Variants in ARK2C observed in about 807,000 individuals in gnomAD.
ARK2C encodes E3 ubiquitin-protein ligase ARK2C.
chr18:46,455,697 A>G, the ARK2C span, among the ~76,000 whole-genome samples: 3 of 152,118 alleles, frequency 2.0e-5, no homozygotes, highest in Non-Finnish European at 4.4e-5. Flanking sequence ...TTAGCCAGGC[A>G]TGATGGCAAG....
At chr18:46,347,722 C>T in the ARK2C span, among the ~76,000 whole-genome samples, 1 of 152,022 alleles carries the variant, frequency 6.6e-6, no homozygotes, top group South Asian at 2.1e-4. Context: ...ACAGAGTCCC[C>T]CTGCCTGCTC....
the ARK2C span, chr18:46,447,794 T>G: frequency 1.2e-5 from 17 of 1,399,740 alleles, no homozygotes; most frequent in Non-Finnish European, 1.0e-6. Flanking sequence ...CTGGCTCCCC[T>G]GTATCCTTGG....
At chr18:46,419,346 ACTTT>A in the ARK2C span, among the ~76,000 whole-genome samples, 1 of 152,168 alleles carries the variant, frequency 6.6e-6, no homozygotes, top group South Asian at 2.1e-4. Context: ...AAGCCTCTAT[ACTTT>A]GTAAGACACT....
the ARK2C span, among the ~76,000 whole-genome samples, chr18:46,361,265 C>G: frequency 6.6e-6 from 1 of 152,182 alleles, no homozygotes; most frequent in Admixed American, 6.5e-5. Flanking sequence ...GAACTCTCAA[C>G]CTTGCTCTCC....
the ARK2C span, among the ~76,000 whole-genome samples, chr18:46,434,762 G>A: frequency 6.6e-6 from 1 of 152,160 alleles, no homozygotes; most frequent in Non-Finnish European, 1.5e-5. Context: ...GGTGAGCGCT[G>A]TAGGAGGTCA....
the ARK2C span, among the ~76,000 whole-genome samples, chr18:46,436,988 T>C: frequency 2.6e-5 from 4 of 152,210 alleles, no homozygotes; most frequent in African/African-American, 4.8e-5. Flanking sequence ...CCTGGGGAGA[T>C]GGCAGGAGGA....
chr18:46,388,372 T>C, the ARK2C span, among the ~76,000 whole-genome samples: 6,303 of 152,234 alleles, frequency 0.041, 420 homozygotes, highest in African/African-American at 0.14. Flanking sequence ...CTTTATAATG[T>C]TTCCATGCAC....
At chr18:46,431,081 C>T in the ARK2C span, among the ~76,000 whole-genome samples, 1 of 152,074 alleles carries the variant, frequency 6.6e-6, no homozygotes, top group African/African-American at 2.4e-5. Context: ...GTGTGATGTT[C>T]CCCTCTCTGT....
At chr18:46,359,698 G>A in the ARK2C span, among the ~76,000 whole-genome samples, 1 of 152,198 alleles carries the variant, frequency 6.6e-6, no homozygotes, top group Non-Finnish European at 1.5e-5. Flanking sequence ...CAGGGCTGGT[G>A]TGGTGCCCCT....
At chr18:46,337,759 A>G in the ARK2C span, 1 of 109,226 alleles carries the variant, frequency 9.2e-6, no homozygotes. Context: ...CACCACTCCC[A>G]CCTCCCATTG....
At chr18:46,456,444 C>T in the ARK2C span, 29 of 1,083,184 alleles carry the variant, frequency 2.7e-5, no homozygotes, top group African/African-American at 4.3e-4. Flanking sequence ...CCCAGGAGTC[C>T]TAGGTGTGTG....
the ARK2C span, among the ~76,000 whole-genome samples, chr18:46,391,856 AC>A: frequency 2.0e-5 from 3 of 151,050 alleles, no homozygotes; most frequent in East Asian, 1.9e-4. Context: ...TGCACAATAC[AC>A]CCCCCATATG....
the ARK2C span, among the ~76,000 whole-genome samples, chr18:46,416,987 A>G: frequency 6.6e-6 from 1 of 152,220 alleles, no homozygotes; most frequent in East Asian, 1.9e-4. Flanking sequence ...TAAGCATACA[A>G]GGAGGGGAGA....
the ARK2C span, chr18:46,456,443 C>A: frequency 2.8e-6 from 3 of 1,071,382 alleles, no homozygotes; most frequent in Non-Finnish European, 4.3e-6. Flanking sequence ...CCCCAGGAGT[C>A]CTAGGTGTGT....
At chr18:46,430,442 G>A in the ARK2C span, among the ~76,000 whole-genome samples, 2 of 152,100 alleles carry the variant, frequency 1.3e-5, no homozygotes, top group East Asian at 3.8e-4. Flanking sequence ...CTTTCGGGTG[G>A]GTTCTTTCCC....
At chr18:46,435,626 G>T in the ARK2C span, among the ~76,000 whole-genome samples, 1 of 152,166 alleles carries the variant, frequency 6.6e-6, no homozygotes, top group African/African-American at 2.4e-5. Flanking sequence ...TATGCCCATC[G>T]TAGGACACAG....
chr18:46,356,255 A>G, the ARK2C span, among the ~76,000 whole-genome samples: 2 of 152,112 alleles, frequency 1.3e-5, no homozygotes, highest in African/African-American at 4.8e-5. Flanking sequence ...GGTGCGGAGG[A>G]TGCAGCATTG....
chr18:46,344,364 C>A, the ARK2C span, among the ~76,000 whole-genome samples: 1 of 151,290 alleles, frequency 6.6e-6, no homozygotes, highest in African/African-American at 2.4e-5. Flanking sequence ...CCTTCTCCCC[C>A]CGCCCCCAGC....
At chr18:46,407,452 T>C in the ARK2C span, among the ~76,000 whole-genome samples, 1 of 152,200 alleles carries the variant, frequency 6.6e-6, no homozygotes, top group African/African-American at 2.4e-5. Context: ...GCTTTATTTC[T>C]CTCCCCAAAT....
Sources: allele counts gnomAD v4.1 joint callset (sites outside exome capture counted in the v4.1 genomes callset), GRCh38; gene constraint gnomAD v4.1.1; transcripts MANE v1.5; gene names NCBI Gene and HGNC (gene_info 2026-07-23, HGNC 2026-07-21).